MAP4K5: variants seen among roughly 807,000 people sequenced by gnomAD.
MAP4K5 encodes the protein MAPK/ERK kinase kinase kinase 5.
In MAP4K5, 82 loss-of-function variants were observed where a neutral mutation model predicts 135.6. The ratio of observed to expected loss-of-function variants is 0.60; its 90% confidence interval spans 0.51 to 0.73. The LOEUF (loss-of-function observed/expected upper bound fraction) is 0.73. Ranked by LOEUF, MAP4K5 falls within the 30% of genes least tolerant of loss-of-function variation. The pLI is 0.00. For synonymous variants in MAP4K5, 347 were observed against 335.0 expected (o/e 1.04, Z -0.39); for missense variants, 907 against 1,010.9 (o/e 0.90, Z 1.39).
At position 50,456,572 on chromosome 14, in the gene MAP4K5, G is replaced by C; in HGVS notation, c.959C>G (p.Thr320Ser). 3 of 1,575,322 alleles carry C rather than the reference G, an allele frequency of 1.9e-6. No individual in the cohort carries two copies. Among genetic ancestry groups the C allele is most frequent in the Non-Finnish European group, 2.6e-6 (3 of 1,158,892 alleles). ...GGCATTCCTGTTTGTAGATCTAATG[G>C]TATGACGAATGATTGCATGGGGCTG... Reference protein sequence around the residue: ...DFEPHAIIRHTIRSTNRNARA... With the variant: ...DFEPHAIIRHSIRSTNRNARA... Residue 320 changes from threonine to serine, a missense_variant, in exon 14 of 33, where the codon ACC becomes AGC. Thr to Ser is a moderately conservative substitution (Grantham distance 58, BLOSUM62 1). Around this residue, in one of 3 missense-constraint regions of MAP4K5, gnomAD observed 690 missense variants for 777.4 expected, o/e 0.89. Coordinates refer to ENST00000682126, the MANE Select transcript of MAP4K5 (RefSeq NM_006575.6).
intron 2 of MAP4K5, among the ~76,000 whole-genome samples, chr14:50,527,723 T>C (rs1004437633): frequency 3.3e-5 from 5 of 151,994 alleles, no homozygotes; most frequent in Non-Finnish European, 7.4e-5. Flanking sequence ...GAACTAAACA[T>C]GTTATTCTTC....
At chr14:50,529,216 C>A (rs1413742099) in intron 2 of MAP4K5, among the ~76,000 whole-genome samples, 1 of 150,958 alleles carries the variant, frequency 6.6e-6, no homozygotes, top group African/African-American at 2.4e-5. Context: ...GACCTCCTCT[C>A]TACTAAAAAA....
chr14:50,493,197 T>A (rs904614753), intron 3 of MAP4K5, among the ~76,000 whole-genome samples: 1 of 152,092 alleles, frequency 6.6e-6, no homozygotes, highest in Non-Finnish European at 1.5e-5. Flanking sequence ...ACTCCTGGGC[T>A]CAAGCAGTCC....
chr14:50,458,251 T>G (rs1177287652), intron 13 of MAP4K5, among the ~76,000 whole-genome samples: 1 of 152,182 alleles, frequency 6.6e-6, no homozygotes, highest in Non-Finnish European at 1.5e-5. Context: ...AGAGCAGTGT[T>G]GCTTCTCCCT....
At chr14:50,490,935 AATACT>A (rs1437833954) in intron 3 of MAP4K5, among the ~76,000 whole-genome samples, 1 of 152,208 alleles carries the variant, frequency 6.6e-6, no homozygotes, top group Non-Finnish European at 1.5e-5. Flanking sequence ...AGAGTTTCCT[AATACT>A]ATCTGCAGGT....
At chr14:50,510,795 C>T (rs1387626045) in intron 2 of MAP4K5, among the ~76,000 whole-genome samples, 1 of 152,122 alleles carries the variant, frequency 6.6e-6, no homozygotes, top group Non-Finnish European at 1.5e-5. Context: ...TCCAAAATAA[C>T]TATTGTTAAT....
intron 3 of MAP4K5, among the ~76,000 whole-genome samples, chr14:50,502,197 A>G (rs1219105321): frequency 6.6e-6 from 1 of 152,172 alleles, no homozygotes; most frequent in African/African-American, 2.4e-5. Flanking sequence ...CTGATTTTTC[A>G]CACGTCTGCA....
chr14:50,443,362 A>C (rs1345840770), intron 20 of MAP4K5, among the ~76,000 whole-genome samples: 1 of 152,182 alleles, frequency 6.6e-6, no homozygotes, highest in Non-Finnish European at 1.5e-5. Flanking sequence ...AAATGCATTA[A>C]TATAAGCTTC....
chr14:50,451,387 T>C (rs938242271), intron 14 of MAP4K5, among the ~76,000 whole-genome samples: 1 of 152,160 alleles, frequency 6.6e-6, no homozygotes, highest in African/African-American at 2.4e-5. Context: ...GGAGAGAGAC[T>C]GGGGCAGAAA....
chr14:50,520,629 A>G lies in MAP4K5; in HGVS notation c.108+11313T>C, dbSNP rs7159853. On this transcript the variant is annotated intron_variant, in intron 2 of 32. Transcript: ENST00000682126. ...ATTCTATCTGCCTGAAATCATTCAC[A>G]TTTTATAATTTATAACAGCATTACA... Among the ~76,000 whole-genome samples the G allele has an allele frequency of 2.4e-3, 365 of 152,308 alleles. 2 individuals are homozygous for G. Among genetic ancestry groups the G allele is most frequent in the African/African-American group, 8.6e-3 (358 of 41,566 alleles).
intron 32 of MAP4K5, among the ~76,000 whole-genome samples, chr14:50,421,340 C>T (rs1017943944): frequency 1.3e-5 from 2 of 151,944 alleles, no homozygotes; most frequent in Admixed American, 6.6e-5. Context: ...CACACTGCAA[C>T]CTCCGCAACC....
At chr14:50,424,496 G>A (rs1056258924) in intron 31 of MAP4K5, among the ~76,000 whole-genome samples, 1 of 152,074 alleles carries the variant, frequency 6.6e-6, no homozygotes, top group African/African-American at 2.4e-5. Context: ...GATCACGTGA[G>A]GTCAGAAGTT....
chr14:50,558,570 C>T (rs1276222347), intron 1 of MAP4K5, among the ~76,000 whole-genome samples: 1 of 152,152 alleles, frequency 6.6e-6, no homozygotes, highest in Non-Finnish European at 1.5e-5. Flanking sequence ...AGATTACTTA[C>T]TAATTATAAA....
chr14:50,431,593 T>A (rs2035971373), intron 28 of MAP4K5, among the ~76,000 whole-genome samples: 1 of 152,154 alleles, frequency 6.6e-6, no homozygotes, highest in South Asian at 2.1e-4. Context: ...CATCATTTTT[T>A]ATGGCTGCAC....
intron 32 of MAP4K5, among the ~76,000 whole-genome samples, chr14:50,421,799 G>C (rs990221841): frequency 2.0e-5 from 3 of 151,820 alleles, no homozygotes; most frequent in Non-Finnish European, 4.4e-5. Context: ...CCAGAGAAAC[G>C]GCCTCTGATG....
At chr14:50,526,255 A>G (rs2038262092) in intron 2 of MAP4K5, among the ~76,000 whole-genome samples, 1 of 152,066 alleles carries the variant, frequency 6.6e-6, no homozygotes, top group African/African-American at 2.4e-5. Context: ...CTTCTCCTCT[A>G]TGGCACATAA....
intron 10 of MAP4K5, 29 bp from the exon 11 acceptor site, chr14:50,466,674 A>T: frequency 1.0e-6 from 1 of 976,544 alleles, no homozygotes. Context: ...TTAAAGAACA[A>T]TATCAAAATT....
intron 20 of MAP4K5, among the ~76,000 whole-genome samples, chr14:50,443,476 C>T (rs959913412): frequency 2.6e-5 from 4 of 152,268 alleles, no homozygotes; most frequent in Admixed American, 6.5e-5. Flanking sequence ...TTAATATCAT[C>T]GCATTAAAAT....
At chr14:50,454,491 T>C (rs532862237) in intron 14 of MAP4K5, among the ~76,000 whole-genome samples, 1 of 152,190 alleles carries the variant, frequency 6.6e-6, no homozygotes, top group African/African-American at 2.4e-5. Context: ...TAGAAATAAA[T>C]AGTATAAAAT....
Sources: gnomAD v4.1 joint callset for allele counts (sites outside exome capture counted in the v4.1 genomes callset) on GRCh38, gnomAD v4.1.1 for gene constraint, gnomAD v4.1.1 regional missense constraint, MANE v1.5 for transcripts, NCBI Gene and HGNC (gene_info 2026-07-23, HGNC 2026-07-21) for gene names.